FREM3: variants seen among roughly 807,000 people sequenced by gnomAD.
FREM3 encodes the protein FRAS1 related extracellular matrix 3.
A neutral mutation model predicts 129.1 loss-of-function variants in FREM3; 105 were observed. The observed-to-expected ratio is 0.81, with a 90% CI of 0.69 to 0.96. The LOEUF (loss-of-function observed/expected upper bound fraction) is 0.96, where lower values mean the gene tolerates loss of function less well. FREM3 is among the 40% of genes least tolerant of loss of function. The pLI is 0.00. For missense variants in FREM3, 2,593 were observed against 2,666.3 expected (o/e 0.97, Z 0.61); for synonymous variants, 1,014 against 1,044.9 (o/e 0.97, Z 0.57).
rs897574217 is a variant in FREM3 at position 143,583,902 on chromosome 4, A to C, written c.6178+1942T>G. Among the ~76,000 whole-genome samples the C allele has an allele frequency of 3.3e-5, 5 of 152,340 alleles. No homozygotes were observed. The East Asian group carries it at 9.6e-4, about 29-fold the overall frequency. On this transcript the variant is annotated intron_variant, in intron 7 of 7. Coordinates refer to ENST00000329798, the MANE Select transcript of FREM3 (RefSeq NM_001168235.2). ...ACACTATAAAGCAACTACACAATTG[A>C]GTCTGCATAATAAACCGCTAACAAC...
At chr4:143,583,752 C>T (rs1013724929) in intron 7 of FREM3, among the ~76,000 whole-genome samples, 1 of 151,932 alleles carries the variant, frequency 6.6e-6, no homozygotes, top group Non-Finnish European at 1.5e-5. Context: ...ATCAGACAAG[C>T]AAATGTTAAG....
chr4:143,621,267 C>A, intron 4 of FREM3, 105 bp from the exon 5 acceptor site: 1 of 1,026,462 alleles, frequency 9.7e-7, no homozygotes, highest in Non-Finnish European at 1.4e-6. Flanking sequence ...TTATATTTTC[C>A]AACATGATTA....
At chr4:143,667,837 C>G (rs1174641962) in intron 2 of FREM3, among the ~76,000 whole-genome samples, 1 of 152,180 alleles carries the variant, frequency 6.6e-6, no homozygotes, top group African/African-American at 2.4e-5. Context: ...ATTTCCCTCT[C>G]TTTAGTAGGA....
rs373667244 is a variant in FREM3 at position 143,585,942 on chromosome 4, C to T, written c.6080G>A (p.Arg2027His). ...DAEYHVNESA[R>H]YVEVCVWRRG... ...TCTCCAAACACAAACCTCCACGTAG[C>T]GAGCACTTTCATTGACGTGATATTC... Residue 2027 changes from arginine (R) to histidine (H), a missense_variant, in exon 7 of 8, where the codon CGC becomes CAC. Arg to His is a conservative substitution (Grantham distance 29). Transcript: ENST00000329798. The surrounding 1 kb of genome is among the most constrained non-coding windows in gnomAD (Gnocchi z 4.2). 105 of 1,537,558 alleles carry T rather than the reference C, an allele frequency of 6.8e-5. No homozygotes were observed. The highest frequency in any genetic ancestry group is 5.9e-4 in the East Asian group (24 of 40,914).
At chr4:143,632,021 AATG>A (rs1739148908) in intron 2 of FREM3, among the ~76,000 whole-genome samples, 1 of 152,130 alleles carries the variant, frequency 6.6e-6, no homozygotes, top group South Asian at 2.1e-4. Context: ...TATAATAAAA[AATG>A]TGTTAATGCA....
intron 2 of FREM3, among the ~76,000 whole-genome samples, chr4:143,692,655 A>T (rs1740493663): frequency 1.3e-5 from 2 of 152,114 alleles, no homozygotes; most frequent in Non-Finnish European, 2.9e-5. Flanking sequence ...GGAGAAATAT[A>T]TATATATCTA....
At chr4:143,666,621 G>A (rs1047100748) in intron 2 of FREM3, among the ~76,000 whole-genome samples, 1 of 152,092 alleles carries the variant, frequency 6.6e-6, no homozygotes, top group Non-Finnish European at 1.5e-5. Flanking sequence ...TGAAATAAGC[G>A]AGACACAAAT....
intron 2 of FREM3, among the ~76,000 whole-genome samples, chr4:143,659,095 A>C (rs1345880809): frequency 7.6e-6 from 1 of 131,190 alleles, no homozygotes; most frequent in African/African-American, 3.1e-5. Flanking sequence ...TTTATTTATT[A>C]TTATTATTAT....
chr4:143,699,172 G>A lies in FREM3; in HGVS notation c.1504C>T (p.Arg502Ter), dbSNP rs550459981. ...YFTPADLAAG[R>*]VVYQHDGSNT... ...CTGCCATCATGCTGATACACCACTC[G>A]CCCTGCTGCCAGGTCCGCTGGTGTG... The change falls in exon 1 of 8, where the codon CGA becomes TGA. Residue 502 changes from arginine to a stop codon, truncating the protein, a stop_gained. Coordinates refer to ENST00000329798, the MANE Select transcript of FREM3 (RefSeq NM_001168235.2). LOFTEE classifies it high-confidence loss of function. This position sits in a 1 kb window ranked among gnomAD's most constrained non-coding sequence, Gnocchi z 4.2. 58 of 1,537,328 alleles carry A rather than the reference G, an allele frequency of 3.8e-5. No homozygotes were observed. The highest frequency in any genetic ancestry group is 4.9e-5 in the Non-Finnish European group (56 of 1,146,936).
chr4:143,700,463 C>A lies in FREM3; in HGVS notation c.213G>T (p.Val71=). The change falls in exon 1 of 8, where the codon GTG becomes GTT. Residue 71 remains valine (V), a synonymous_variant. Transcript: ENST00000329798. ...SVLIANPGLR[V]PLGRSLWLDP... ...CGAGCCAAAGGGAACGACCCAGGGGCACCCGGAGTCCAGGGTTGGCAATCA... is the reference window on the plus strand; with the variant it reads ...CGAGCCAAAGGGAACGACCCAGGGGAACCCGGAGTCCAGGGTTGGCAATCA... 6.6e-7 allele frequency: 1 copy of A among 1,512,072 alleles called. No individual in the cohort carries two copies. Among genetic ancestry groups the A allele is most frequent in the Non-Finnish European group, 8.8e-7 (1 of 1,132,328 alleles). 93.7% of individuals were successfully genotyped at this position (1,512,072 alleles called of 1,614,324 possible).
chr4:143,649,985 G>A lies in FREM3; in HGVS notation c.5276-22225C>T, dbSNP rs115974224. On this transcript the variant is annotated intron_variant, in intron 2 of 7. Transcript: ENST00000329798. ...GGCAAAACAGGAATTTAGCTGGGGA[G>A]CATTCTATAAATATTAGTTATGCTG... Among the ~76,000 whole-genome samples the A allele has an allele frequency of 7.5e-3, 1,141 of 152,296 alleles. 10 individuals carry two copies. Among genetic ancestry groups the A allele is most frequent in the African/African-American group, 0.026 (1,069 of 41,572 alleles).
intron 2 of FREM3, among the ~76,000 whole-genome samples, chr4:143,680,917 G>C (rs773999236): frequency 5.3e-5 from 8 of 152,156 alleles, no homozygotes; most frequent in Middle Eastern, 3.4e-3. Flanking sequence ...TAATTTGCTT[G>C]AAAAGGACAG....
chr4:143,607,181 C>G (rs184692121), intron 6 of FREM3, among the ~76,000 whole-genome samples: 1 of 152,078 alleles, frequency 6.6e-6, no homozygotes, highest in African/African-American at 2.4e-5. Flanking sequence ...GAGGCTAATT[C>G]GCAATCCCAT....
At chr4:143,617,988 T>C (rs947795154) in intron 5 of FREM3, among the ~76,000 whole-genome samples, 5 of 152,152 alleles carry the variant, frequency 3.3e-5, no homozygotes, top group African/African-American at 1.2e-4. Flanking sequence ...CAGCAGACAA[T>C]GGTGCTAAAG....
intron 6 of FREM3, among the ~76,000 whole-genome samples, chr4:143,602,133 T>C (rs1045837675): frequency 6.6e-6 from 1 of 152,184 alleles, no homozygotes; most frequent in Non-Finnish European, 1.5e-5. Context: ...GTAAACTATA[T>C]GTAAAATCCT....
Position 143,611,371 on chromosome 4 carries a change from G to A in FREM3, c.5936C>T (p.Ser1979Phe), listed in dbSNP as rs556405388. 6 of 1,537,112 alleles carry A rather than the reference G, an allele frequency of 3.9e-6. No individual in the cohort carries two copies. Among genetic ancestry groups the A allele is most frequent in the African/African-American group, 1.4e-5 (1 of 73,146 alleles). ...IDDSLYEEEE[S>F]FSVSLRLPVG... ...TGGCAGCCTAAGTGAAACGCTGAAG[G>A]ATTCCTCCTCTTCATAAAGGGAGTC... The change falls in exon 6 of 8, where the codon TCC becomes TTC. Residue 1979 changes from serine to phenylalanine, a missense_variant. Around this residue, in one of 2 missense-constraint regions of FREM3, gnomAD observed 317 missense variants for 399.0 expected, o/e 0.79. Transcript: ENST00000329798.
chr4:143,692,569 T>C (rs559327984), intron 2 of FREM3, among the ~76,000 whole-genome samples: 1 of 152,320 alleles, frequency 6.6e-6, no homozygotes, highest in South Asian at 2.1e-4. Context: ...CCCATTATTC[T>C]ACTTTGAAGT....
intron 2 of FREM3, among the ~76,000 whole-genome samples, chr4:143,661,361 C>A (rs937837336): frequency 6.6e-6 from 1 of 152,106 alleles, no homozygotes; most frequent in East Asian, 1.9e-4. Flanking sequence ...TGGTTTTTGT[C>A]TTTGGTTCTG....
At chr4:143,609,841 C>T (rs1738725433) in intron 6 of FREM3, among the ~76,000 whole-genome samples, 1 of 152,116 alleles carries the variant, frequency 6.6e-6, no homozygotes, top group Non-Finnish European at 1.5e-5. Context: ...ACAGCAGATA[C>T]TTTTTATAAG....
Sources: allele counts gnomAD v4.1 joint callset (sites outside exome capture counted in the v4.1 genomes callset), GRCh38; gene constraint gnomAD v4.1.1; regional missense constraint gnomAD v4.1.1; non-coding constraint Gnocchi (gnomAD v3.1); transcripts MANE v1.5; gene names NCBI Gene and HGNC (gene_info 2026-07-23, HGNC 2026-07-21).